AKT3: variants seen among roughly 807,000 people sequenced by gnomAD.
AKT3 encodes the protein AKT serine/threonine kinase 3.
In AKT3, 15 loss-of-function variants were observed where a neutral mutation model predicts 65.3. The observed-to-expected ratio is 0.23, with a 90% CI of 0.15 to 0.35. The LOEUF (loss-of-function observed/expected upper bound fraction) is 0.35. Ranked by LOEUF, AKT3 falls within the 10% of genes least tolerant of loss-of-function variation. The pLI is 1.00. For synonymous variants in AKT3, 206 were observed against 183.8 expected, an observed-to-expected ratio of 1.12 and a Z score of -0.98; for missense variants, 243 against 576.5, an observed-to-expected ratio of 0.42 and a Z score of 5.92.
chr1:243,842,329 G>GA (rs1306079393), intron 2 of AKT3, among the ~76,000 whole-genome samples: 1 of 152,096 alleles, frequency 6.6e-6, no homozygotes, highest in African/African-American at 2.4e-5. Context: ...TTCTGAGAAT[G>GA]GAACAGTCCT....
In AKT3 at chr1:243,504,147, A is replaced by C. The variant is rs1485723966; in HGVS notation, c.*1102T>G. 2 of 219,340 alleles carry C rather than the reference A, an allele frequency of 9.1e-6. No homozygotes were observed. The highest frequency in any genetic ancestry group is 4.5e-5 in the African/African-American group (2 of 44,556). The allele number at this position is 219,340 out of a possible 1,614,324, so 13.6% of individuals were successfully genotyped here. A position where few individuals can be genotyped will look rare whatever the true frequency, so the allele number is the denominator to read the frequency against. On this transcript the variant is annotated 3_prime_UTR_variant, in exon 14 of 14. Transcript: ENST00000673466. ...CGTGTACAATCCTTGCACATGGGTC[A>C]AAAGTAACTGCAGTAAGTCTATTTT... is the stretch of plus-strand genomic sequence containing the variant.
intron 2 of AKT3, among the ~76,000 whole-genome samples, chr1:243,753,093 T>C (rs1375446432): frequency 1.3e-5 from 2 of 152,178 alleles, no homozygotes; most frequent in African/African-American, 2.4e-5. Context: ...AAATGTCCCA[T>C]ATTTCAAAAT....
chr1:243,850,392 T>A (rs1253293308), upstream of AKT3, among the ~76,000 whole-genome samples: 1 of 150,466 alleles, frequency 6.6e-6, no homozygotes, highest in African/African-American at 2.4e-5. Flanking sequence ...GAATCGGATA[T>A]CGGCTACAAA....
chr1:243,544,005 AACAGAG>A (rs1186018009), intron 12 of AKT3, among the ~76,000 whole-genome samples: 1 of 152,180 alleles, frequency 6.6e-6, no homozygotes, highest in Admixed American at 6.5e-5. Flanking sequence ...CTTAAGGCTT[AACAGAG>A]AAGAACACTT....
intron 4 of AKT3, among the ~76,000 whole-genome samples, chr1:243,662,950 G>A (rs1230304750): frequency 6.6e-6 from 1 of 152,118 alleles, no homozygotes; most frequent in Non-Finnish European, 1.5e-5. Flanking sequence ...AGATCTGACA[G>A]AAATCCAGCT....
rs145949074 is a variant in AKT3 at position 243,782,408 on chromosome 1, C to T, written c.46+60717G>A. 2.0e-5 allele frequency among the ~76,000 whole-genome samples: 3 copies of T among 152,222 alleles called. No homozygotes were observed. The East Asian group carries it at 5.8e-4, about 29-fold the overall frequency. On this transcript the variant is annotated intron_variant, in intron 2 of 13. Transcript: ENST00000673466. ...CAGCAAATTCAATGTTTGGGAAGGGCCCATTCTTCATAGATGGCACCCTTC... is the reference window on the plus strand; with the variant it reads ...CAGCAAATTCAATGTTTGGGAAGGGTCCATTCTTCATAGATGGCACCCTTC...
intron 2 of AKT3, among the ~76,000 whole-genome samples, chr1:243,833,425 A>G (rs766471530): frequency 5.3e-5 from 8 of 152,226 alleles, no homozygotes; most frequent in Non-Finnish European, 1.0e-4. Context: ...AGGCCGAGTT[A>G]AAGGGGAAGA....
At chr1:243,585,256 C>T (rs1039861732) in intron 8 of AKT3, among the ~76,000 whole-genome samples, 6 of 151,958 alleles carry the variant, frequency 3.9e-5, no homozygotes, top group East Asian at 3.9e-4. Flanking sequence ...AATGAAAAAA[C>T]GTTCCATGCT....
chr1:243,492,759 C>T (rs1666879409), intron 13 of AKT3, among the ~76,000 whole-genome samples: 3 of 151,754 alleles, frequency 2.0e-5, no homozygotes, highest in Admixed American at 2.0e-4. Context: ...AGGTGCCTGC[C>T]ACCACGCCTG....
chr1:243,498,756 G>A (rs749489008), downstream of AKT3, among the ~76,000 whole-genome samples: 6 of 152,234 alleles, frequency 3.9e-5, no homozygotes, highest in Admixed American at 6.5e-5. Context: ...GGTTGATAGA[G>A]TCCTCCCTTG....
intron 11 of AKT3, among the ~76,000 whole-genome samples, chr1:243,550,993 AG>A (rs1258518708): frequency 6.7e-6 from 1 of 150,054 alleles, no homozygotes; most frequent in African/African-American, 2.4e-5. Flanking sequence ...AAAAGATAAA[AG>A]TCACCACTCT....
chr1:243,682,114 T>A (rs988677701), intron 3 of AKT3, among the ~76,000 whole-genome samples: 1 of 151,812 alleles, frequency 6.6e-6, no homozygotes, highest in Admixed American at 6.6e-5. Context: ...AAAAAAAAAA[T>A]TCAACAAGTA....
intron 2 of AKT3, among the ~76,000 whole-genome samples, chr1:243,767,082 A>G (rs1689874231): frequency 6.6e-6 from 1 of 152,184 alleles, no homozygotes; most frequent in Admixed American, 6.5e-5. Flanking sequence ...ATTTGTAGCC[A>G]TGACAGCAGA....
chr1:243,603,070 C>T (rs1677132479), intron 8 of AKT3, among the ~76,000 whole-genome samples: 1 of 152,202 alleles, frequency 6.6e-6, no homozygotes. Flanking sequence ...TTTTCTGCTT[C>T]TCATGTAAAT....
At chr1:243,735,374 A>T (rs1030649710) in intron 2 of AKT3, among the ~76,000 whole-genome samples, 1 of 152,212 alleles carries the variant, frequency 6.6e-6, no homozygotes, top group Admixed American at 6.5e-5. Context: ...TTATAATCTT[A>T]TGGGATCGCT....
chr1:243,757,434 A>G (rs1689206354), intron 2 of AKT3, among the ~76,000 whole-genome samples: 2 of 152,160 alleles, frequency 1.3e-5, no homozygotes, highest in Non-Finnish European at 2.9e-5. Flanking sequence ...CCTGGCCAAC[A>G]TGGTGAAACC....
At chr1:243,598,800 T>C (rs1363315140) in intron 8 of AKT3, among the ~76,000 whole-genome samples, 2 of 152,226 alleles carry the variant, frequency 1.3e-5, no homozygotes, top group Non-Finnish European at 1.5e-5. Context: ...GTTGCCATTA[T>C]ATTTATTGGG....
intron 8 of AKT3, among the ~76,000 whole-genome samples, chr1:243,591,832 A>G (rs1324683318): frequency 6.6e-6 from 1 of 152,126 alleles, no homozygotes; most frequent in Non-Finnish European, 1.5e-5. Context: ...ACACAGGGGG[A>G]AAAACCCAAA....
intron 2 of AKT3, chr1:243,741,796 T>C (rs1044694005): frequency 5.9e-5 from 9 of 152,192 alleles, no homozygotes; most frequent in African/African-American, 2.2e-4. Flanking sequence ...TTACTTTTGG[T>C]TGCTGGGAAT....
Sources: gnomAD v4.1 joint callset for allele counts (sites outside exome capture counted in the v4.1 genomes callset) on GRCh38, gnomAD v4.1.1 for gene constraint, MANE v1.5 for transcripts, NCBI Gene and HGNC (gene_info 2026-07-23, HGNC 2026-07-21) for gene names.